EIF5A2: variants seen among roughly 807,000 people sequenced by gnomAD.
EIF5A2 encodes the protein eukaryotic translation initiation factor 5A-2.
In EIF5A2, 15 loss-of-function variants were observed where a neutral mutation model predicts 16.4. The observed-to-expected ratio is 0.92, with a 90% confidence interval of 0.61 to 1.41. The LOEUF (loss-of-function observed/expected upper bound fraction) is 1.41. Among genes scored for constraint, EIF5A2 ranks in the 40% most tolerant of loss-of-function variants. The pLI, the probability that EIF5A2 is intolerant of heterozygous loss-of-function variation, is 0.00. For synonymous variants in EIF5A2, 48 were observed against 61.1 expected (o/e 0.79, Z 1.00); for missense variants, 144 against 189.5 (o/e 0.76, Z 1.41).
In EIF5A2 at chr3:170,895,005, G is replaced by A. The variant is rs531625012; in HGVS notation, c.271-582C>T. Among the ~76,000 whole-genome samples, 239 of 120,572 alleles carry A rather than the reference G, an allele frequency of 2.0e-3. 3 individuals carry two copies. The highest frequency in any genetic ancestry group is 4.3e-3 in the South Asian group (17 of 3,922). The allele number at this position is 120,572 out of a possible 152,430, so 79.1% of individuals were successfully genotyped here. A position where few individuals can be genotyped will look rare whatever the true frequency, so the allele number is the denominator to read the frequency against. On this transcript the variant is annotated intron_variant, in intron 3 of 4. Transcript: ENST00000295822. ...CGTGCCCCTGCACTCCAGCCTGGGC[G>A]ACAGAGCGAGACTCTGTCTCAAAAA... is the stretch of plus-strand genomic sequence containing the variant.
At chr3:170,907,527 A>G in intron 2 of EIF5A2, 115 bp downstream of exon 2, 1 of 1,257,592 alleles carries the variant, frequency 8.0e-7, no homozygotes, top group Non-Finnish European at 1.1e-6. Context: ...TGTGGGAAGG[A>G]AAAAATAGTG....
intron 2 of EIF5A2, 93 bp downstream of exon 2, chr3:170,907,549 A>AT (rs1166313928): frequency 1.5e-6 from 2 of 1,370,352 alleles, no homozygotes; most frequent in South Asian, 1.9e-5. Context: ...TTATTACAAA[A>AT]TTTTAAGTAT....
At position 170,907,708 on chromosome 3, in the gene EIF5A2, G is replaced by A. The variant is rs765812427; in HGVS notation, c.99C>T (p.Leu33=). 5 of 1,611,132 alleles carry A rather than the reference G, an allele frequency of 3.1e-6. No homozygotes were observed. The East Asian group carries it at 1.1e-4, about 36-fold the overall frequency. Residue 33 remains leucine (L), a synonymous_variant, in exon 2 of 5, where the codon CTC becomes CTT. Coordinates refer to ENST00000295822, the MANE Select transcript of EIF5A2 (RefSeq NM_020390.6). ...CCACTATTTTGCATGGTCGTCCTTTGAGCACCACGAAGCCGTTTTTGCGCA... is the reference window on the plus strand; with the variant it reads ...CCACTATTTTGCATGGTCGTCCTTTAAGCACCACGAAGCCGTTTTTGCGCA... ...SALRKNGFVV[L]KGRPCKIVEM...
intron 3 of EIF5A2, among the ~76,000 whole-genome samples, chr3:170,896,671 C>G (rs1226348780): frequency 6.6e-6 from 1 of 152,128 alleles, no homozygotes; most frequent in African/African-American, 2.4e-5. Flanking sequence ...ATAAATTACC[C>G]AGTCTCAGGT....
In EIF5A2 at chr3:170,891,839, G is replaced by A. The variant is rs1362835406; in HGVS notation, c.*1521C>T. ...ATGACTCAAAAGATGAAATAGAAAT[G>A]CAGTGGTGTCACCTAAAATACCTTT... On this transcript the variant is annotated 3_prime_UTR_variant, in exon 5 of 5. Transcript: ENST00000295822. 2 of 152,530 alleles carry A rather than the reference G, an allele frequency of 1.3e-5. No individual in the cohort carries two copies. The highest frequency in any genetic ancestry group is 2.9e-5 in the Non-Finnish European group (2 of 68,012). 9.4% of individuals were successfully genotyped at this position (152,530 alleles called of 1,614,324 possible). A position where few individuals can be genotyped will look rare whatever the true frequency, so the allele number is the denominator to read the frequency against.
intron 3 of EIF5A2, among the ~76,000 whole-genome samples, chr3:170,905,861 A>G (rs571199958): frequency 6.6e-6 from 1 of 152,324 alleles, no homozygotes; most frequent in South Asian, 2.1e-4. Flanking sequence ...AGAAAGTGAC[A>G]GAACTAGATC....
intron 3 of EIF5A2, among the ~76,000 whole-genome samples, chr3:170,900,979 T>C (rs1712798849): frequency 6.6e-6 from 1 of 152,220 alleles, no homozygotes; most frequent in Non-Finnish European, 1.5e-5. Context: ...ATTTATCTAA[T>C]GATTGCATAG....
rs1408949101 is a variant in EIF5A2 at position 170,891,681 on chromosome 3, AGTCT to A, written c.*1675_*1678del. On this transcript the variant is annotated 3_prime_UTR_variant, in exon 5 of 5. Coordinates refer to ENST00000295822, the MANE Select transcript of EIF5A2 (RefSeq NM_020390.6). Reference sequence around the variant, plus strand: ...GCATGATGGGAGAGGTCTAAGAGCCAGTCTTAGAGAATTAAGGTATTTCTGAGAT... The same window carrying A: ...GCATGATGGGAGAGGTCTAAGAGCCATAGAGAATTAAGGTATTTCTGAGAT... 6.6e-6 allele frequency: 1 copy of A among 152,608 alleles called. No individual in the cohort carries two copies. The highest frequency in any genetic ancestry group is 1.9e-4 in the East Asian group (1 of 5,192). 9.5% of individuals were successfully genotyped at this position (152,608 alleles called of 1,614,324 possible).
chr3:170,904,533 G>A lies in EIF5A2; in HGVS notation c.270+2456C>T, dbSNP rs1056524112. On this transcript the variant is annotated intron_variant, in intron 3 of 4. Coordinates refer to ENST00000295822, the MANE Select transcript of EIF5A2 (RefSeq NM_020390.6). Reference sequence around the variant, plus strand: ...TTTTGAGACAGGGTCCCACTCTGTCGCCCAGGCTAGAGTGCAGTGGAGTGA... The same window carrying A: ...TTTTGAGACAGGGTCCCACTCTGTCACCCAGGCTAGAGTGCAGTGGAGTGA... Among the ~76,000 whole-genome samples the A allele has an allele frequency of 3.7e-4, 56 of 152,052 alleles. 1 individual carries two copies. The highest frequency in any genetic ancestry group is 1.3e-4 in the Non-Finnish European group (9 of 68,002).
intron 3 of EIF5A2, among the ~76,000 whole-genome samples, chr3:170,902,841 G>A (rs1456328578): frequency 2.0e-5 from 3 of 151,870 alleles, no homozygotes; most frequent in African/African-American, 7.3e-5. Context: ...TCTTGACCTC[G>A]TGATCTGCCC....
intron 3 of EIF5A2, among the ~76,000 whole-genome samples, chr3:170,902,736 G>A (rs1712848156): frequency 6.6e-6 from 1 of 151,638 alleles, no homozygotes. Context: ...AGCCTCCTGA[G>A]TAGCTGGGAT....
At chr3:170,903,432 G>A (rs1253377721) in intron 3 of EIF5A2, among the ~76,000 whole-genome samples, 1 of 152,088 alleles carries the variant, frequency 6.6e-6, no homozygotes, top group African/African-American at 2.4e-5. Flanking sequence ...CTGGAGTGCT[G>A]TTTTTTGCAG....
intron 3 of EIF5A2, among the ~76,000 whole-genome samples, chr3:170,900,464 G>C (rs1163419599): frequency 6.6e-6 from 1 of 151,656 alleles, no homozygotes; most frequent in African/African-American, 2.4e-5. Flanking sequence ...ATCAGGAAGT[G>C]TGTAAGATGA....
At position 170,890,361 on chromosome 3, in the gene EIF5A2, T is replaced by C. The variant is rs1049240384; in HGVS notation, c.*2999A>G. On this transcript the variant is annotated 3_prime_UTR_variant, in exon 5 of 5. Coordinates refer to ENST00000295822, the MANE Select transcript of EIF5A2 (RefSeq NM_020390.6). Reference sequence around the variant, plus strand: ...CATTTTATTGCAGTATCTCCTATTATAGATATCATGCTCTGATGCAGGAGA... The same window carrying C: ...CATTTTATTGCAGTATCTCCTATTACAGATATCATGCTCTGATGCAGGAGA... The C allele has an allele frequency of 6.6e-6, 1 of 152,130 alleles. No homozygotes were observed. The highest frequency in any genetic ancestry group is 6.5e-5 in the Admixed American group (1 of 15,274). The allele number at this position is 152,130 out of a possible 1,614,324, so 9.4% of individuals were successfully genotyped here.
rs1356381232 is a variant in EIF5A2 at position 170,888,988 on chromosome 3, CTT to C, written c.*4370_*4371del. On this transcript the variant is annotated 3_prime_UTR_variant, in exon 5 of 5. Coordinates refer to ENST00000295822, the MANE Select transcript of EIF5A2 (RefSeq NM_020390.6). Reference sequence around the variant, plus strand: ...AAGTGCAATCTTGAACTAAGATAAACTTAAGTCTATCAATACCAAGAAACAGT... The same window carrying C: ...AAGTGCAATCTTGAACTAAGATAAACAAGTCTATCAATACCAAGAAACAGT... The C allele has an allele frequency of 1.4e-5, 2 of 145,842 alleles. No homozygotes were observed. The allele number at this position is 145,842 out of a possible 1,614,324, so 9.0% of individuals were successfully genotyped here. A position where few individuals can be genotyped will look rare whatever the true frequency, so the allele number is the denominator to read the frequency against.
chr3:170,907,545 CA>C, intron 2 of EIF5A2, 96 bp downstream of exon 2: 1 of 1,359,578 alleles, frequency 7.4e-7, no homozygotes, highest in Non-Finnish European at 9.7e-7. Flanking sequence ...GTGCTTATTA[CA>C]AAATTTTAAG....
chr3:170,895,174 T>G (rs542051728), intron 3 of EIF5A2, among the ~76,000 whole-genome samples: 1 of 152,156 alleles, frequency 6.6e-6, no homozygotes, highest in African/African-American at 2.4e-5. Flanking sequence ...ATACTATTAC[T>G]GATTTAACCA....
chr3:170,903,562 C>T (rs562716865), intron 3 of EIF5A2, among the ~76,000 whole-genome samples: 4 of 152,226 alleles, frequency 2.6e-5, no homozygotes, highest in Admixed American at 6.5e-5. Flanking sequence ...CAAATATTTG[C>T]TTCTAGTCCT....
Position 170,907,091 on chromosome 3 carries a change from AACCTAACAG to A in EIF5A2, c.166-7_167del. 1 of 1,608,762 alleles carries A rather than the reference AACCTAACAG, an allele frequency of 6.2e-7. No individual in the cohort carries two copies. The highest frequency in any genetic ancestry group is 8.5e-7 in the Non-Finnish European group (1 of 1,176,312). On this transcript the variant is annotated splice_acceptor_variant and splice_polypyrimidine_tract_variant and coding_sequence_variant and intron_variant, in exon 3 of 5. Coordinates refer to ENST00000295822, the MANE Select transcript of EIF5A2 (RefSeq NM_020390.6). LOFTEE classifies it high-confidence loss of function. ...TGAAAATATCAATTCCAACAAGGTG[AACCTAACAG>A]AGGAGAACAGGAAACCTGTTTAATC...
Sources: allele counts gnomAD v4.1 joint callset (sites outside exome capture counted in the v4.1 genomes callset), GRCh38; gene constraint gnomAD v4.1.1; transcripts MANE v1.5; gene names NCBI Gene and HGNC (gene_info 2026-07-23, HGNC 2026-07-21).